Variants in AKAP6 observed in about 807,000 individuals in gnomAD.
AKAP6 encodes A-kinase anchoring protein 6.
Under a neutral mutation model 188.5 loss-of-function variants are expected in AKAP6, and 58 were observed. The observed-to-expected ratio is 0.31, with a 90% CI of 0.25 to 0.38. AKAP6 has a LOEUF of 0.38. AKAP6 is among the 10% of genes least tolerant of loss of function. The pLI, the probability that AKAP6 is intolerant of heterozygous loss-of-function variation, is 1.00. For synonymous variants in AKAP6, 989 were observed against 998.6 expected (o/e 0.99, Z 0.18); for missense variants, 2,710 against 2,740.0 (o/e 0.99, Z 0.24).
intron 1 of AKAP6, among the ~76,000 whole-genome samples, chr14:32,359,352 TACAA>T (rs1209988543): frequency 1.3e-5 from 2 of 152,018 alleles, no homozygotes; most frequent in East Asian, 1.9e-4. Context: ...GTAAAATACA[TACAA>T]AAAGCAGAAA....
intron 7 of AKAP6, among the ~76,000 whole-genome samples, chr14:32,608,247 C>A (rs1480517342): frequency 6.6e-6 from 1 of 152,094 alleles, no homozygotes; most frequent in Non-Finnish European, 1.5e-5. Context: ...TGGCTCATGC[C>A]TGTAATCCCA....
At chr14:32,353,430 G>A (rs533686803) in intron 1 of AKAP6, among the ~76,000 whole-genome samples, 26 of 152,120 alleles carry the variant, frequency 1.7e-4, no homozygotes, top group African/African-American at 4.6e-4. Flanking sequence ...GTGTGGTGGC[G>A]GGCGCCTGTA....
chr14:32,638,039 A>C (rs1887587254), intron 7 of AKAP6, among the ~76,000 whole-genome samples: 1 of 152,078 alleles, frequency 6.6e-6, no homozygotes, highest in African/African-American at 2.4e-5. Flanking sequence ...CATATTTTTA[A>C]ATTAGGGTAA....
intron 11 of AKAP6, among the ~76,000 whole-genome samples, chr14:32,759,186 A>G (rs995271793): frequency 6.6e-6 from 1 of 152,228 alleles, no homozygotes; most frequent in Non-Finnish European, 1.5e-5. Context: ...TACATTTAGA[A>G]TATCACATTC....
In AKAP6 at chr14:32,546,835, A is replaced by G. The variant is rs1883222780; in HGVS notation, c.2182A>G (p.Met728Val). ...CATTCTTTCTGATGAGGAGTCCAGTATGCCTCTCGCTGGCATGAAAAAGTA... is the reference window on the plus strand; with the variant it reads ...CATTCTTTCTGATGAGGAGTCCAGTGTGCCTCTCGCTGGCATGAAAAAGTA... ...SDILSDEESS[M>V]PLAGMKKYAD... is the part of the protein sequence containing the mutation. The change falls in exon 4 of 14, where the codon ATG becomes GTG. Residue 728 changes from methionine (M) to valine (V), a missense_variant. Met to Val is a conservative substitution (Grantham distance 21). Transcript: ENST00000280979. The G allele has an allele frequency of 1.2e-6, 2 of 1,613,984 alleles. No individual in the cohort carries two copies. Among genetic ancestry groups the G allele is most frequent in the Non-Finnish European group, 1.7e-6 (2 of 1,180,020 alleles).
At chr14:32,683,289 C>G (rs1028339984) in intron 8 of AKAP6, among the ~76,000 whole-genome samples, 5 of 152,110 alleles carry the variant, frequency 3.3e-5, no homozygotes, top group African/African-American at 4.8e-5. Context: ...CCACCGCACC[C>G]AGCCCCTCCC....
intron 1 of AKAP6, among the ~76,000 whole-genome samples, chr14:32,345,028 G>A (rs992642479): frequency 6.6e-6 from 1 of 151,952 alleles, no homozygotes; most frequent in African/African-American, 2.4e-5. Flanking sequence ...ATTTGGAAGG[G>A]CATGTCAAAA....
chr14:32,724,614 A>G (rs1340657639), intron 9 of AKAP6, among the ~76,000 whole-genome samples: 2 of 152,170 alleles, frequency 1.3e-5, no homozygotes, highest in African/African-American at 2.4e-5. Flanking sequence ...AAATTTCCAT[A>G]TATCCAGTGA....
intron 2 of AKAP6, among the ~76,000 whole-genome samples, chr14:32,443,312 G>C (rs531779565): frequency 3.1e-4 from 47 of 151,972 alleles, no homozygotes; most frequent in African/African-American, 1.1e-3. Context: ...AGAATTGCTT[G>C]AACTTGAGAG....
intron 4 of AKAP6, among the ~76,000 whole-genome samples, chr14:32,565,862 A>G (rs1446698859): frequency 2.0e-5 from 3 of 152,200 alleles, no homozygotes; most frequent in Non-Finnish European, 4.4e-5. Flanking sequence ...TAGGAATGCC[A>G]TTCTCTGCTC....
At chr14:32,633,258 T>C (rs1887350058) in intron 7 of AKAP6, among the ~76,000 whole-genome samples, 1 of 152,078 alleles carries the variant, frequency 6.6e-6, no homozygotes. Flanking sequence ...AATAGAACAG[T>C]AGTTGTTCTC....
At chr14:32,643,348 C>T (rs1301387507) in intron 7 of AKAP6, among the ~76,000 whole-genome samples, 1 of 151,900 alleles carries the variant, frequency 6.6e-6, no homozygotes, top group Non-Finnish European at 1.5e-5. Flanking sequence ...CACTCTGTCA[C>T]CCAGGCTGGA....
At chr14:32,741,537 C>T (rs1334640343) in intron 11 of AKAP6, among the ~76,000 whole-genome samples, 2 of 151,744 alleles carry the variant, frequency 1.3e-5, no homozygotes, top group Non-Finnish European at 2.9e-5. Context: ...ATGTTCCATC[C>T]ATCCCCATTT....
Position 32,823,387 on chromosome 14 carries a change from A to G in AKAP6, c.5574A>G (p.Glu1858=). The G allele has an allele frequency of 6.2e-7, 1 of 1,613,866 alleles. No individual in the cohort carries two copies. The highest frequency in any genetic ancestry group is 8.5e-7 in the Non-Finnish European group (1 of 1,179,908). ...ATGGCTCTGTAAAACGTGTCTCTGA[A>G]AATAATGGAAATGGTAAGAATTCAT... ...LLNGSVKRVS[E]NNGNGKNSSH... is the part of the protein sequence containing the mutation. Residue 1858 remains glutamate (E), a synonymous_variant, in exon 13 of 14, where the codon GAA becomes GAG. Coordinates refer to ENST00000280979, the MANE Select transcript of AKAP6 (RefSeq NM_004274.5).
intron 13 of AKAP6, 75 bp from the exon 14 acceptor site, chr14:32,829,773 C>T (rs190808492): frequency 9.5e-4 from 599 of 627,406 alleles, no homozygotes; most frequent in Non-Finnish European, 1.4e-3. Flanking sequence ...TTCAATGGTT[C>T]CTCAAAGGGC....
At position 32,822,188 on chromosome 14, in the gene AKAP6, C is replaced by T. The variant is rs1384916140; in HGVS notation, c.4375C>T (p.Gln1459Ter). 6.2e-7 allele frequency: 1 copy of T among 1,613,816 alleles called. No individual in the cohort carries two copies. Among genetic ancestry groups the T allele is most frequent in the Non-Finnish European group, 8.5e-7 (1 of 1,179,868 alleles). Reference protein sequence around the residue: ...HTPDCLGEELQGKHDVFTFYD... With the variant: ...HTPDCLGEEL ...CCCTGACTGTTTGGGAGAAGAATTACAAGGAAAACATGATGTGTTTACATT... is the reference window on the plus strand; with the variant it reads ...CCCTGACTGTTTGGGAGAAGAATTATAAGGAAAACATGATGTGTTTACATT... The change falls in exon 13 of 14, where the codon CAA becomes TAA. Residue 1459 changes from glutamine to a stop codon, truncating the protein, a stop_gained. Coordinates refer to ENST00000280979, the MANE Select transcript of AKAP6 (RefSeq NM_004274.5). LOFTEE classifies it high-confidence loss of function.
At chr14:32,443,937 A>G (rs531567056) in intron 2 of AKAP6, among the ~76,000 whole-genome samples, 1 of 152,246 alleles carries the variant, frequency 6.6e-6, no homozygotes, top group Admixed American at 6.5e-5. Flanking sequence ...ACATCTTTGT[A>G]TAGGCAAAGG....
chr14:32,501,226 C>A (rs1314624370), intron 2 of AKAP6, among the ~76,000 whole-genome samples: 1 of 152,022 alleles, frequency 6.6e-6, no homozygotes, highest in Admixed American at 6.6e-5. Context: ...TATTAATAAA[C>A]AATTTCAAAT....
chr14:32,354,831 T>C (rs903484067), intron 1 of AKAP6, among the ~76,000 whole-genome samples: 1 of 151,366 alleles, frequency 6.6e-6, no homozygotes, highest in Non-Finnish European at 1.5e-5. Context: ...GACATGTGCT[T>C]CTGTTTGCCT....
Sources: allele counts gnomAD v4.1 joint callset (sites outside exome capture counted in the v4.1 genomes callset), GRCh38; gene constraint gnomAD v4.1.1; transcripts MANE v1.5; gene names NCBI Gene and HGNC (gene_info 2026-07-23, HGNC 2026-07-21).